The following TANGO6 variants were observed in gnomAD, a reference collection of about 807,000 sequenced individuals.
TANGO6 encodes the protein transport and golgi organization 6 homolog, also known as transport and Golgi organization protein 6 homolog.
TANGO6 carries 90 observed loss-of-function variants against 114.2 expected under a neutral mutation model. That is an observed-to-expected ratio of 0.79 (90% CI 0.66 to 0.94). The LOEUF (loss-of-function observed/expected upper bound fraction) is 0.94. Ranked by LOEUF, TANGO6 falls within the 40% of genes least tolerant of loss-of-function variation. The pLI, the probability that TANGO6 is intolerant of heterozygous loss-of-function variation, is 0.00. For synonymous variants in TANGO6, 477 were observed against 509.8 expected, an observed-to-expected ratio of 0.94 and a Z score of 0.87; for missense variants, 1,274 against 1,315.3, an observed-to-expected ratio of 0.97 and a Z score of 0.49.
intron 14 of TANGO6, among the ~76,000 whole-genome samples, chr16:68,946,292 C>G (rs913970714): frequency 6.6e-6 from 1 of 151,546 alleles, no homozygotes; most frequent in African/African-American, 2.4e-5. Context: ...CCCGGGTTCA[C>G]GCCATTCTCC....
rs190394738 is a variant in TANGO6, at chr16:68,963,626, C to T, written c.2702-10402C>T. On this transcript the variant is annotated intron_variant, in intron 14 of 17. Transcript: ENST00000261778. ...CCTAGTGCACACACATAGGTGCACA[C>T]GCATAGGTACACACATGCTCAAACA... Among the ~76,000 whole-genome samples, 29 of 152,326 alleles carry T rather than the reference C, an allele frequency of 1.9e-4. No homozygotes were observed. The East Asian group carries it at 5.4e-3, about 28-fold the overall frequency.
chr16:68,901,521 C>T (rs1331251525), intron 8 of TANGO6, among the ~76,000 whole-genome samples: 7 of 152,194 alleles, frequency 4.6e-5, no homozygotes, highest in Admixed American at 4.6e-4. Context: ...CGGAGTCTCG[C>T]TCTGTTGCCC....
At chr16:68,955,315 T>C (rs1272986931) in intron 14 of TANGO6, among the ~76,000 whole-genome samples, 1 of 152,248 alleles carries the variant, frequency 6.6e-6, no homozygotes, top group African/African-American at 2.4e-5. Context: ...TAAAATTGAA[T>C]GTATCTATTA....
At position 68,860,157 on chromosome 16, in the gene TANGO6, C is replaced by T. The variant is rs1370051648; in HGVS notation, c.368C>T (p.Pro123Leu). ...AATTTCAATCCAGGTAAACCCAACC[C>T]TAGGACTCCGGAAGTTGCTCCTGCC... ...AANFNPGKPN[P>L]RTPEVAPALS... Residue 123 changes from proline to leucine, a missense_variant, in exon 2 of 18, where the codon CCT (proline) becomes CTT (leucine). Physicochemically the swap from Pro to Leu is moderately conservative, Grantham distance 98 (BLOSUM62 -3). Coordinates refer to ENST00000261778, the MANE Select transcript of TANGO6 (RefSeq NM_024562.2). 1.9e-6 allele frequency: 3 copies of T among 1,613,876 alleles called. No individual in the cohort carries two copies. The highest frequency in any genetic ancestry group is 1.1e-5 in the South Asian group (1 of 91,084).
chr16:69,080,424 C>T lies in TANGO6; in HGVS notation c.3109-3061C>T, dbSNP rs148237983. Among the ~76,000 whole-genome samples the T allele has an allele frequency of 3.3e-4, 50 of 152,154 alleles. 2 individuals carry two copies. The highest frequency in any genetic ancestry group is 3.1e-3 in the Admixed American group (47 of 15,264). On this transcript the variant is annotated intron_variant, in intron 17 of 17. Coordinates refer to ENST00000261778, the MANE Select transcript of TANGO6 (RefSeq NM_024562.2). ...AAAATGCCAAGCATGGTGGTGTATGCCTGTAGTCCCAGCTAACTTGGGAGG... is the reference window on the plus strand; with the variant it reads ...AAAATGCCAAGCATGGTGGTGTATGTCTGTAGTCCCAGCTAACTTGGGAGG...
intron 16 of TANGO6, among the ~76,000 whole-genome samples, chr16:69,036,518 G>A (rs1959689495): frequency 6.6e-6 from 1 of 152,140 alleles, no homozygotes; most frequent in Admixed American, 6.6e-5. Context: ...GATTGTCCTG[G>A]ATGGCTGACT....
chr16:68,847,237 A>G (rs1961824862), intron 1 of TANGO6, among the ~76,000 whole-genome samples: 1 of 152,192 alleles, frequency 6.6e-6, no homozygotes, highest in African/African-American at 2.4e-5. Context: ...ATCAGAACTC[A>G]TATCAATAAG....
In TANGO6 at chr16:69,077,743, C is replaced by T. The variant is rs573141644; in HGVS notation, c.3109-5742C>T. 2.1e-4 allele frequency among the ~76,000 whole-genome samples: 32 copies of T among 152,144 alleles called. 1 individual carries two copies. In the South Asian group the frequency reaches 5.2e-3, roughly 25 times the overall value. On this transcript the variant is annotated intron_variant, in intron 17 of 17. Transcript: ENST00000261778. ...ACTCGGGAGGCTGAGGCACAAGAATCGCTTGAACCCAGGAGGCGGAGGTTG... is the reference window on the plus strand; with the variant it reads ...ACTCGGGAGGCTGAGGCACAAGAATTGCTTGAACCCAGGAGGCGGAGGTTG...
intron 14 of TANGO6, among the ~76,000 whole-genome samples, chr16:68,955,226 CATA>C (rs1963518034): frequency 6.6e-6 from 1 of 152,140 alleles, no homozygotes; most frequent in Admixed American, 6.6e-5. Flanking sequence ...GAAACCAGAC[CATA>C]ATAATAACTT....
intron 1 of TANGO6, among the ~76,000 whole-genome samples, chr16:68,859,244 C>T (rs998093536): frequency 2.0e-5 from 3 of 152,118 alleles, no homozygotes; most frequent in Non-Finnish European, 4.4e-5. Context: ...AGTCTCAGCT[C>T]ACTGCAGCCT....
intron 17 of TANGO6, among the ~76,000 whole-genome samples, chr16:69,059,543 C>T (rs565668852): frequency 7.9e-5 from 12 of 151,876 alleles, no homozygotes; most frequent in African/African-American, 1.2e-4. Context: ...TCTTTTGAGA[C>T]GGAGTCTTGC....
chr16:69,069,813 G>A (rs1960269394), intron 17 of TANGO6, among the ~76,000 whole-genome samples: 1 of 152,082 alleles, frequency 6.6e-6, no homozygotes, highest in Non-Finnish European at 1.5e-5. Flanking sequence ...ACAAGGAAAG[G>A]GGTCTCCATT....
At chr16:68,968,864 G>T (rs1963674753) in intron 14 of TANGO6, among the ~76,000 whole-genome samples, 2 of 150,602 alleles carry the variant, frequency 1.3e-5, no homozygotes, top group African/African-American at 4.9e-5. Flanking sequence ...TAGAAACGGG[G>T]TTTCACTGGG....
chr16:68,869,127 C>T (rs1962226214), intron 4 of TANGO6, among the ~76,000 whole-genome samples: 1 of 152,048 alleles, frequency 6.6e-6, no homozygotes, highest in African/African-American at 2.4e-5. Flanking sequence ...TTTCTATGTG[C>T]TTATCACTAA....
At position 68,980,020 on chromosome 16, in the gene TANGO6, G is replaced by C. The variant is rs550396871; in HGVS notation, c.2842+5852G>C. Among the ~76,000 whole-genome samples, 4 of 151,344 alleles carry C rather than the reference G, an allele frequency of 2.6e-5. No individual in the cohort carries two copies. In the South Asian group the frequency reaches 8.4e-4, roughly 32 times the overall value. ...CACCATGCCCGGCTAATTTTTTTTGGTATTTTTAGTAGAGACGGGGTTTCA... is the reference window on the plus strand; with the variant it reads ...CACCATGCCCGGCTAATTTTTTTTGCTATTTTTAGTAGAGACGGGGTTTCA... On this transcript the variant is annotated intron_variant, in intron 15 of 17. Transcript: ENST00000261778.
intron 17 of TANGO6, among the ~76,000 whole-genome samples, chr16:69,078,011 A>C (rs1228165656): frequency 1.3e-5 from 2 of 152,116 alleles, no homozygotes; most frequent in Non-Finnish European, 2.9e-5. Flanking sequence ...AGGGGCTACA[A>C]ACAGAACTCC....
chr16:69,040,493 C>T, intron 17 of TANGO6, 72 bp downstream of exon 17: 3 of 1,277,890 alleles, frequency 2.3e-6, no homozygotes, highest in Non-Finnish European at 3.3e-6. Flanking sequence ...TTCCTTTTAC[C>T]AGGGAAGGCC....
chr16:68,876,668 A>G (rs1222814134), intron 5 of TANGO6, among the ~76,000 whole-genome samples: 2 of 151,998 alleles, frequency 1.3e-5, no homozygotes, highest in Admixed American at 1.3e-4. Context: ...TGAAAATACA[A>G]AAATTGGCCA....
At chr16:68,991,448 TCTACTAAAAATAGAAAAAG>T (rs1963945292) in intron 15 of TANGO6, among the ~76,000 whole-genome samples, 2 of 152,016 alleles carry the variant, frequency 1.3e-5, no homozygotes, top group African/African-American at 2.4e-5. Flanking sequence ...AAACCCTGCC[TCTACTAAAAATAGAAAAAG>T]CTACTAAAAA....
Sources: allele counts gnomAD v4.1 joint callset (sites outside exome capture counted in the v4.1 genomes callset), GRCh38; gene constraint gnomAD v4.1.1; transcripts MANE v1.5; gene names NCBI Gene and HGNC (gene_info 2026-07-23, HGNC 2026-07-21).